PAIP2: variants seen among roughly 807,000 people sequenced by gnomAD.
The protein encoded by PAIP2 is poly(A) binding protein interacting protein 2.
In PAIP2, 7 loss-of-function variants were observed where a neutral mutation model predicts 14.8. That is an observed-to-expected ratio of 0.47 (90% CI 0.27 to 0.89). PAIP2 has a LOEUF of 0.89. Ranked by LOEUF, PAIP2 falls within the 40% of genes least tolerant of loss-of-function variation. The pLI, the probability that PAIP2 is intolerant of heterozygous loss-of-function variation, is 0.13. For missense variants in PAIP2, 122 were observed against 154.7 expected (o/e 0.79, Z 1.12); for synonymous variants, 47 against 45.3 (o/e 1.04, Z -0.15).
At chr5:139,348,355 ATTT>A (rs1223212420) in intron 1 of PAIP2, among the ~76,000 whole-genome samples, 2 of 136,096 alleles carry the variant, frequency 1.5e-5, no homozygotes, top group African/African-American at 2.7e-5. Flanking sequence ...AGCCTGGCTA[ATTT>A]TTTTTTTTTT....
intron 1 of PAIP2, among the ~76,000 whole-genome samples, 173 bp from the exon 2 acceptor site, chr5:139,363,586 G>A (rs911948369): frequency 5.3e-5 from 8 of 151,904 alleles, no homozygotes; most frequent in African/African-American, 1.9e-4. Context: ...GGGTGGTGTG[G>A]TGGTGCACAC....
chr5:139,352,392 A>C (rs1411155592), intron 1 of PAIP2, among the ~76,000 whole-genome samples: 1 of 151,476 alleles, frequency 6.6e-6, no homozygotes, highest in East Asian at 1.9e-4. Flanking sequence ...ATTTTCTGAC[A>C]GTTTTAGGGT....
At chr5:139,364,519 A>ATATC in intron 2 of PAIP2, 45 bp from the exon 3 acceptor site, 1 of 1,156,128 alleles carries the variant, frequency 8.6e-7, no homozygotes, top group Non-Finnish European at 1.3e-6. Context: ...ATTCCTAGTG[A>ATATC]TATCTACCAA....
At chr5:139,344,581 A>G (rs1581285012) in intron 1 of PAIP2, among the ~76,000 whole-genome samples, 1 of 152,228 alleles carries the variant, frequency 6.6e-6, no homozygotes, top group Non-Finnish European at 1.5e-5. Context: ...AATTAAATAG[A>G]TCTGTGTAGC....
chr5:139,362,568 G>A (rs1243043886), intron 1 of PAIP2, among the ~76,000 whole-genome samples: 10 of 152,066 alleles, frequency 6.6e-5, no homozygotes, highest in South Asian at 2.1e-4. Context: ...GTGCCACCAC[G>A]CCCGGCTAAT....
At chr5:139,359,138 CTAAGT>C (rs562605146) in intron 1 of PAIP2, among the ~76,000 whole-genome samples, 3 of 152,002 alleles carry the variant, frequency 2.0e-5, no homozygotes, top group African/African-American at 7.2e-5. Flanking sequence ...CCACACCCAG[CTAAGT>C]TATTTGTTTG....
At chr5:139,364,843 T>C in intron 3 of PAIP2, 100 bp downstream of exon 3, 1 of 792,450 alleles carries the variant, frequency 1.3e-6, no homozygotes, top group Non-Finnish European at 2.0e-6. Context: ...CTCTTTCCCC[T>C]TCAGAAATTG....
intron 1 of PAIP2, among the ~76,000 whole-genome samples, chr5:139,346,327 C>T (rs565446949): frequency 2.0e-5 from 3 of 152,142 alleles, no homozygotes; most frequent in Admixed American, 6.5e-5. Flanking sequence ...CTGCAACCTC[C>T]GCCTCCCAGG....
chr5:139,349,990 G>A (rs1027761731), intron 1 of PAIP2, among the ~76,000 whole-genome samples: 2 of 151,712 alleles, frequency 1.3e-5, no homozygotes, highest in Admixed American at 6.6e-5. Flanking sequence ...GACAGAGTGA[G>A]ACTCTGTCTC....
chr5:139,351,973 G>A lies in PAIP2; in HGVS notation c.-27+9993G>A, dbSNP rs145506641. ...GATCCTAAATTTGTGCAAAGACCCT[G>A]CTGTCCAAAAATTTTCAAATGAATA... On this transcript the variant is annotated intron_variant, in intron 1 of 3. Transcript: ENST00000265192. Among the ~76,000 whole-genome samples the A allele has an allele frequency of 1.9e-3, 285 of 152,114 alleles. 1 individual carries two copies. The highest frequency in any genetic ancestry group is 6.6e-3 in the African/African-American group (275 of 41,500).
intron 1 of PAIP2, among the ~76,000 whole-genome samples, chr5:139,362,491 G>C (rs1186670314): frequency 7.2e-6 from 1 of 138,454 alleles, no homozygotes; most frequent in Non-Finnish European, 1.5e-5. Flanking sequence ...GCTCACCACA[G>C]CCTCCGCCTC....
At chr5:139,342,776 C>G (rs1756422293) in intron 1 of PAIP2, 1 of 152,120 alleles carries the variant, frequency 6.6e-6, no homozygotes, top group African/African-American at 2.4e-5. Context: ...ACATTTGTTG[C>G]AGCAGCCAGC....
At chr5:139,351,104 T>G (rs1756717607) in intron 1 of PAIP2, among the ~76,000 whole-genome samples, 1 of 152,190 alleles carries the variant, frequency 6.6e-6, no homozygotes, top group African/African-American at 2.4e-5. Context: ...CTCATCTGAT[T>G]GCAAAAATAA....
chr5:139,364,564 A>G lies in PAIP2; in HGVS notation c.139A>G (p.Ile47Val), dbSNP rs143746848. Residue 47 changes from isoleucine (I) to valine (V), a missense_variant and splice_region_variant, in exon 3 of 4, where the codon ATA becomes GTA. Coordinates refer to ENST00000265192, the MANE Select transcript of PAIP2 (RefSeq NM_016480.5). Reference sequence around the variant, plus strand: ...AAATTATCCTTTATTATAAATCTAGATAGAAGAGGAGTTATGGGAAGAAGA... The same window carrying G: ...AAATTATCCTTTATTATAAATCTAGGTAGAAGAGGAGTTATGGGAAGAAGA... ...MENEEEFNRQ[I>V]EEELWEEEFI... The G allele has an allele frequency of 4.9e-5, 76 of 1,556,274 alleles. No individual in the cohort carries two copies. Among genetic ancestry groups the G allele is most frequent in the Non-Finnish European group, 6.4e-5 (72 of 1,129,400 alleles).
chr5:139,351,739 AGT>A (rs1756740997), intron 1 of PAIP2, among the ~76,000 whole-genome samples: 1 of 151,866 alleles, frequency 6.6e-6, no homozygotes, highest in African/African-American at 2.4e-5. Flanking sequence ...GCTGGAGTGC[AGT>A]GGTGCAATCA....
At position 139,363,774 on chromosome 5, in the gene PAIP2, C is replaced by T; in HGVS notation, c.-11C>T. 2 of 1,611,628 alleles carry T rather than the reference C, an allele frequency of 1.2e-6. No individual in the cohort carries two copies. Among genetic ancestry groups the T allele is most frequent in the Non-Finnish European group, 1.7e-6 (2 of 1,178,956 alleles). On this transcript the variant is annotated 5_prime_UTR_variant, in exon 2 of 4. Coordinates refer to ENST00000265192, the MANE Select transcript of PAIP2 (RefSeq NM_016480.5). ...TTCTTTTAAGGTTAAAAACGACAAC[C>T]AACATCAGCCATGAAAGATCCAAGT...
At chr5:139,364,297 A>G (rs1757154169) in intron 2 of PAIP2, among the ~76,000 whole-genome samples, 1 of 152,206 alleles carries the variant, frequency 6.6e-6, no homozygotes, top group Non-Finnish European at 1.5e-5. Context: ...ACAGGCACAG[A>G]AAAAAGAGAC....
chr5:139,355,419 G>A (rs536028170), intron 1 of PAIP2, among the ~76,000 whole-genome samples: 31 of 152,080 alleles, frequency 2.0e-4, no homozygotes, highest in African/African-American at 7.0e-4. Flanking sequence ...TGATCTGCCT[G>A]CCTTGGCCTC....
At chr5:139,345,036 T>C (rs1275402133) in intron 1 of PAIP2, among the ~76,000 whole-genome samples, 1 of 148,446 alleles carries the variant, frequency 6.7e-6, no homozygotes, top group Admixed American at 6.7e-5. Flanking sequence ...CATGGGTTTT[T>C]GTTGTTGTTG....
Sources: gnomAD v4.1 joint callset for allele counts (sites outside exome capture counted in the v4.1 genomes callset) on GRCh38, gnomAD v4.1.1 for gene constraint, MANE v1.5 for transcripts, NCBI Gene and HGNC (gene_info 2026-07-23, HGNC 2026-07-21) for gene names.